The following TENM1 variants were observed in gnomAD, a reference collection of about 807,000 sequenced individuals.
TENM1 encodes teneurin transmembrane protein 1.
In TENM1, 35 loss-of-function variants were observed where a neutral mutation model predicts 174.8. The observed-to-expected ratio is 0.20, with a 90% CI of 0.15 to 0.27. TENM1 has a LOEUF of 0.27. Among genes scored for constraint, TENM1 ranks in the 10% least tolerant of loss-of-function variants. The probability of loss-of-function intolerance (pLI) is 1.00; values close to 1 mark genes in which losing one functional copy is unlikely to be tolerated. For missense variants in TENM1, 1,633 were observed against 2,130.1 expected (o/e 0.77, Z 4.59); for synonymous variants, 781 against 798.7 (o/e 0.98, Z 0.37).
chrX:125,125,576 T>C, the TENM1 span, among the ~76,000 whole-genome samples: 3 of 111,775 alleles, frequency 2.7e-5, no homozygotes, highest in Non-Finnish European at 5.6e-5. Flanking sequence ...AAGCTTTGGA[T>C]TTTTCACCTC....
chrX:124,739,298 T>C (rs1389900833), intron 3 of TENM1, among the ~76,000 whole-genome samples: 4 of 112,038 alleles, frequency 3.6e-5, no homozygotes, highest in Non-Finnish European at 7.5e-5. Context: ...TTATTGAATG[T>C]AATAAAAGTA....
At chrX:125,167,794 C>T in the TENM1 span, among the ~76,000 whole-genome samples, 1 of 111,213 alleles carries the variant, frequency 9.0e-6, no homozygotes, top group East Asian at 2.8e-4. Flanking sequence ...TGTAATGCAA[C>T]GACTAAACTG....
the TENM1 span, among the ~76,000 whole-genome samples, chrX:125,151,989 C>G: frequency 8.9e-6 from 1 of 111,743 alleles, no homozygotes; most frequent in South Asian, 3.8e-4. Context: ...AGCACGGTGG[C>G]TCATGCCTGT....
intron 5 of TENM1, among the ~76,000 whole-genome samples, chrX:124,683,323 C>T (rs763986253): frequency 3.6e-4 from 40 of 111,850 alleles, no homozygotes; most frequent in Non-Finnish European, 5.8e-4. Flanking sequence ...TTCAGTCTTA[C>T]TTAAGGCCAA....
chrX:124,468,063 C>T (rs1180878268), intron 22 of TENM1, among the ~76,000 whole-genome samples: 6 of 111,351 alleles, frequency 5.4e-5, no homozygotes, highest in African/African-American at 2.0e-4. Context: ...TAAAATGTTT[C>T]AAAATTAGGA....
chrX:124,472,033 C>G (rs5911859), intron 22 of TENM1, among the ~76,000 whole-genome samples: 1 of 107,947 alleles, frequency 9.3e-6, no homozygotes, highest in Non-Finnish European at 1.9e-5. Flanking sequence ...AATAGTAGGT[C>G]TGCTTTAACT....
the TENM1 span, among the ~76,000 whole-genome samples, chrX:125,184,557 G>A: frequency 9.0e-6 from 1 of 111,318 alleles, no homozygotes; most frequent in African/African-American, 3.3e-5. Context: ...TTCTGATACA[G>A]ACTAATATCC....
intron 4 of TENM1, among the ~76,000 whole-genome samples, chrX:124,728,580 C>T (rs759967330): frequency 5.6e-4 from 62 of 111,259 alleles, no homozygotes; most frequent in Non-Finnish European, 1.0e-3. Context: ...GAAATTTCGA[C>T]TTTCCCCCCT....
the TENM1 span, among the ~76,000 whole-genome samples, chrX:125,168,752 C>T: frequency 9.0e-6 from 1 of 111,260 alleles, no homozygotes; most frequent in African/African-American, 3.3e-5. Flanking sequence ...GAAATTAATT[C>T]TGCCAATAAT....
the TENM1 span, among the ~76,000 whole-genome samples, chrX:125,176,647 A>G: frequency 5.5e-3 from 617 of 111,414 alleles, 6 homozygotes; most frequent in African/African-American, 0.019. Flanking sequence ...GTATTCTTTA[A>G]TACTATTGTG....
intron 3 of TENM1, among the ~76,000 whole-genome samples, chrX:124,861,251 T>C (rs1275307113): frequency 8.9e-6 from 1 of 112,092 alleles, no homozygotes; most frequent in Non-Finnish European, 1.9e-5. Context: ...TTCTGTTTTT[T>C]GGTTGTTTTT....
At chrX:124,671,151 A>G (rs1244973853) in intron 6 of TENM1, among the ~76,000 whole-genome samples, 2 of 111,236 alleles carry the variant, frequency 1.8e-5, no homozygotes, top group South Asian at 3.8e-4. Flanking sequence ...TAAACTTAAC[A>G]GTTCAGGACT....
At chrX:124,736,715 G>A (rs1002021047) in intron 4 of TENM1, among the ~76,000 whole-genome samples, 3 of 111,704 alleles carry the variant, frequency 2.7e-5, no homozygotes, top group Non-Finnish European at 5.6e-5. Context: ...ATGTATCTGC[G>A]GCTTCATCTT....
chrX:124,479,808 G>A (rs1009097257), intron 22 of TENM1, among the ~76,000 whole-genome samples: 1 of 111,431 alleles, frequency 9.0e-6, no homozygotes, highest in African/African-American at 3.3e-5. Flanking sequence ...TTTTAAACCT[G>A]TGTAAAAGGT....
chrX:124,452,509 T>A (rs1280436312), intron 23 of TENM1, among the ~76,000 whole-genome samples: 1 of 111,500 alleles, frequency 9.0e-6, no homozygotes, highest in Non-Finnish European at 1.9e-5. Context: ...GACCCAGCCA[T>A]CCCATTACTG....
chrX:125,191,482 A>G, the TENM1 span, among the ~76,000 whole-genome samples: 5 of 112,129 alleles, frequency 4.5e-5, no homozygotes, highest in African/African-American at 6.5e-5. Flanking sequence ...AGGCATAGAA[A>G]ATGAAAGACA....
chrX:124,380,654 G>C, exon 32 of TENM1: 1 of 1,211,681 alleles, frequency 8.3e-7, no homozygotes, highest in Non-Finnish European at 1.1e-6. Context: ...TACCCGCCCA[G>C]TGCTCAAAAG....
exon 8 of TENM1, chrX:124,652,014 C>T (rs758023478): frequency 2.5e-6 from 3 of 1,211,768 alleles, no homozygotes; most frequent in East Asian, 3.0e-5. Flanking sequence ...TGAAACCTGT[C>T]TCCTGAAGCG....
At chrX:124,708,833 C>T (rs2052974351) in intron 4 of TENM1, among the ~76,000 whole-genome samples, 1 of 110,750 alleles carries the variant, frequency 9.0e-6, no homozygotes, top group Non-Finnish European at 1.9e-5. Flanking sequence ...GATTTTGTAA[C>T]TAAGATAAAA....
Sources: gnomAD v4.1 joint callset for allele counts (sites outside exome capture counted in the v4.1 genomes callset) on GRCh38, gnomAD v4.1.1 for gene constraint, MANE v1.5 for transcripts, NCBI Gene and HGNC (gene_info 2026-07-23, HGNC 2026-07-21) for gene names.